The following HMCN1 variants were observed in gnomAD, a reference collection of about 807,000 sequenced individuals.
The protein encoded by HMCN1 is hemicentin-1.
A neutral mutation model predicts 625.9 loss-of-function variants in HMCN1; 321 were observed. The observed-to-expected ratio is 0.51, with a 90% CI of 0.47 to 0.56. The LOEUF is 0.56. Ranked by LOEUF, HMCN1 falls within the 20% of genes least tolerant of loss-of-function variation. The probability of loss-of-function intolerance (pLI) is 0.00; values close to 1 mark genes in which losing one functional copy is unlikely to be tolerated. For synonymous variants in HMCN1, 2,425 were observed against 2,417.6 expected, an observed-to-expected ratio of 1.00 and a Z score of -0.09; for missense variants, 6,588 against 6,887.3, an observed-to-expected ratio of 0.96 and a Z score of 1.54.
At chr1:185,854,933 C>T (rs1662372935) in intron 2 of HMCN1, among the ~76,000 whole-genome samples, 1 of 151,956 alleles carries the variant, frequency 6.6e-6, no homozygotes, top group African/African-American at 2.4e-5. Flanking sequence ...AAAGATAATA[C>T]CAAATGTGCT....
chr1:185,764,610 A>G (rs1402998968), intron 1 of HMCN1, among the ~76,000 whole-genome samples: 1 of 152,156 alleles, frequency 6.6e-6, no homozygotes, highest in Non-Finnish European at 1.5e-5. Flanking sequence ...GGTAATATAA[A>G]TGTATACTTA....
intron 11 of HMCN1, among the ~76,000 whole-genome samples, chr1:185,934,617 T>A (rs1176065211): frequency 6.6e-6 from 1 of 152,178 alleles, no homozygotes; most frequent in Non-Finnish European, 1.5e-5. Flanking sequence ...CAAATTACTG[T>A]TGGCGGTTTT....
intron 14 of HMCN1, 77 bp downstream of exon 14, chr1:185,965,992 T>A: frequency 1.0e-6 from 1 of 968,392 alleles, no homozygotes; most frequent in Non-Finnish European, 1.7e-6. Flanking sequence ...TGTTAAAACT[T>A]TGTTTTGGTG....
chr1:186,006,561 A>G (rs1313900218), intron 29 of HMCN1, among the ~76,000 whole-genome samples: 1 of 152,058 alleles, frequency 6.6e-6, no homozygotes, highest in African/African-American at 2.4e-5. Flanking sequence ...TGACATAAAT[A>G]TCTTTCAATA....
At chr1:185,952,825 A>G (rs1316633095) in intron 11 of HMCN1, among the ~76,000 whole-genome samples, 5 of 151,622 alleles carry the variant, frequency 3.3e-5, no homozygotes, top group Admixed American at 2.6e-4. Flanking sequence ...GACACGGAGA[A>G]GGGGTAGGGG....
Position 186,048,767 on chromosome 1 carries a change from A to G in HMCN1, c.6505A>G (p.Thr2169Ala), listed in dbSNP as rs1656747172. 1 of 1,610,680 alleles carries G rather than the reference A, an allele frequency of 6.2e-7. No individual in the cohort carries two copies. Among genetic ancestry groups the G allele is most frequent in the Non-Finnish European group, 8.5e-7 (1 of 1,177,312 alleles). ...LKIEDAQVQD[T>A]GRYTCEATNV... ...GATTGAAGATGCTCAGGTTCAAGACACTGGTCGTTACACTTGTGAAGCAAC... is the reference window on the plus strand; with the variant it reads ...GATTGAAGATGCTCAGGTTCAAGACGCTGGTCGTTACACTTGTGAAGCAAC... The change falls in exon 42 of 107, where the codon ACT (threonine) becomes GCT (alanine). Residue 2169 changes from threonine (T) to alanine (A), a missense_variant. Physicochemically the swap from Thr to Ala is moderately conservative, Grantham distance 58 (BLOSUM62 0). Coordinates refer to ENST00000271588, the MANE Select transcript of HMCN1 (RefSeq NM_031935.3).
In HMCN1 at chr1:186,163,377, CA is replaced by C. The variant is rs942211726; in HGVS notation, c.15257-1733del. Among the ~76,000 whole-genome samples, 7 of 152,240 alleles carry C rather than the reference CA, an allele frequency of 4.6e-5. No individual in the cohort carries two copies. In the East Asian group the frequency reaches 1.4e-3, roughly 29 times the overall value. On this transcript the variant is annotated intron_variant, in intron 97 of 106. Coordinates refer to ENST00000271588, the MANE Select transcript of HMCN1 (RefSeq NM_031935.3). ...GCACTTCCCGAGTGAGGCAATGCCTCACCCTGCTTCGGCTCACGCACGGTGC... is the reference window on the plus strand; with the variant it reads ...GCACTTCCCGAGTGAGGCAATGCCTCCCCTGCTTCGGCTCACGCACGGTGC...
chr1:185,937,476 C>A (rs1667866974), intron 11 of HMCN1, among the ~76,000 whole-genome samples: 1 of 152,164 alleles, frequency 6.6e-6, no homozygotes, highest in African/African-American at 2.4e-5. Context: ...TCCCATGAGG[C>A]CTCATCTCCC....
At position 186,189,710 on chromosome 1, in the gene HMCN1, T is replaced by C; in HGVS notation, c.16740T>C (p.Phe5580=). The C allele has an allele frequency of 6.2e-7, 1 of 1,613,530 alleles. No homozygotes were observed. The highest frequency in any genetic ancestry group is 8.5e-7 in the Non-Finnish European group (1 of 1,179,624). Residue 5580 remains phenylalanine (F), a synonymous_variant, in exon 107 of 107, where the codon TTT becomes TTC. Coordinates refer to ENST00000271588, the MANE Select transcript of HMCN1 (RefSeq NM_031935.3). The part of the protein sequence containing the change: ...LMVDEEQTVP[F]ALRDENLKGV... ...TAGATGAGGAACAGACTGTTCCTTT[T>C]GCCTTGAGGGATGAAAACCTGAAAG...
chr1:186,104,185 T>C (rs1388004195), intron 69 of HMCN1, among the ~76,000 whole-genome samples: 2 of 152,206 alleles, frequency 1.3e-5, no homozygotes, highest in African/African-American at 2.4e-5. Flanking sequence ...GGATGTCTTA[T>C]TGTAGCAATC....
At chr1:185,904,956 T>C (rs531743461) in intron 4 of HMCN1, among the ~76,000 whole-genome samples, 1 of 151,844 alleles carries the variant, frequency 6.6e-6, no homozygotes, top group Admixed American at 6.6e-5. Flanking sequence ...GAAAAATGCA[T>C]GCATTTTTGC....
At chr1:186,185,635 C>T (rs1181652769) in intron 105 of HMCN1, among the ~76,000 whole-genome samples, 1 of 152,202 alleles carries the variant, frequency 6.6e-6, no homozygotes, top group African/African-American at 2.4e-5. Context: ...TTTGTGGAGA[C>T]TGTTATTGTT....
At chr1:186,058,996 C>T (rs2102299343) in intron 46 of HMCN1, among the ~76,000 whole-genome samples, 1 of 152,054 alleles carries the variant, frequency 6.6e-6, no homozygotes, top group East Asian at 1.9e-4. Context: ...AGTTTGATAA[C>T]TTGTAAAGCG....
intron 1 of HMCN1, among the ~76,000 whole-genome samples, chr1:185,818,597 T>G (rs1659984595): frequency 6.6e-6 from 1 of 152,190 alleles, no homozygotes; most frequent in South Asian, 2.1e-4. Context: ...ACAATATGGA[T>G]TTTTATTAAC....
chr1:185,775,857 C>G (rs6703750), intron 1 of HMCN1, among the ~76,000 whole-genome samples: 4,814 of 152,210 alleles, frequency 0.032, 260 homozygotes, highest in African/African-American at 0.11. Context: ...GTTTATTGGG[C>G]TGGGATAGGG....
At chr1:186,130,219 T>C (rs568394023) in intron 84 of HMCN1, 119 bp downstream of exon 84, 1 of 1,342,438 alleles carries the variant, frequency 7.4e-7, no homozygotes, top group Middle Eastern at 2.0e-4. Context: ...CTCAGTCCTA[T>C]TTCACAGATG....
intron 2 of HMCN1, among the ~76,000 whole-genome samples, chr1:185,848,661 C>G (rs1282214348): frequency 1.3e-5 from 2 of 152,046 alleles, no homozygotes; most frequent in East Asian, 3.9e-4. Flanking sequence ...TTCCAGTACC[C>G]TAAATGTGGT....
chr1:186,189,952 G>C lies in HMCN1; in HGVS notation c.*74G>C. The C allele has an allele frequency of 3.2e-6, 5 of 1,551,328 alleles. No individual in the cohort carries two copies. The highest frequency in any genetic ancestry group is 2.2e-5 in the South Asian group (2 of 89,536). ...CAATCAAGCCCCCTTCCAGATTACT[G>C]TCTCTTGAACAGTTGCAATCTTGGC... On this transcript the variant is annotated 3_prime_UTR_variant, in exon 107 of 107. Transcript: ENST00000271588.
intron 30 of HMCN1, among the ~76,000 whole-genome samples, chr1:186,014,330 ATATTT>A (rs1654210148): frequency 1.3e-5 from 2 of 151,060 alleles, no homozygotes; most frequent in South Asian, 4.2e-4. Flanking sequence ...ATATATATAT[ATATTT>A]TATTATACTT....
Sources: allele counts gnomAD v4.1 joint callset (sites outside exome capture counted in the v4.1 genomes callset), GRCh38; gene constraint gnomAD v4.1.1; transcripts MANE v1.5; gene names NCBI Gene and HGNC (gene_info 2026-07-23, HGNC 2026-07-21).